STAMBP: variants seen among roughly 807,000 people sequenced by gnomAD.
STAMBP encodes STAM-binding protein.
STAMBP carries 31 observed loss-of-function variants against 50.7 expected under a neutral mutation model. That is an observed-to-expected ratio of 0.61 (90% CI 0.46 to 0.83). STAMBP has a LOEUF of 0.83. Among genes scored for constraint, STAMBP ranks in the 40% least tolerant of loss-of-function variants. STAMBP has a pLI of 0.00. For synonymous variants in STAMBP, 211 were observed against 192.4 expected (o/e 1.10, Z -0.80); for missense variants, 472 against 518.9 (o/e 0.91, Z 0.88).
At chr2:73,835,879 A>G (rs1400536242) in intron 2 of STAMBP, among the ~76,000 whole-genome samples, 1 of 152,132 alleles carries the variant, frequency 6.6e-6, no homozygotes, top group African/African-American at 2.4e-5. Flanking sequence ...GGTTGAATGT[A>G]CCAGTCTGAA....
chr2:73,854,164 C>G (rs1677240969), intron 7 of STAMBP, among the ~76,000 whole-genome samples: 1 of 152,152 alleles, frequency 6.6e-6, no homozygotes, highest in African/African-American at 2.4e-5. Context: ...TCCATTCCTC[C>G]AAGACAAGAT....
downstream of STAMBP, among the ~76,000 whole-genome samples, chr2:73,869,014 T>A (rs141696168): frequency 3.5e-4 from 53 of 152,360 alleles, no homozygotes; most frequent in African/African-American, 1.3e-3. Context: ...ACTACTATTA[T>A]TGAACAGTGT....
At position 73,852,844 on chromosome 2, in the gene STAMBP, ATTGTGTGT is replaced by A. The variant is rs1196484599; in HGVS notation, c.1005+2332_1005+2339del. Reference sequence around the variant, plus strand: ...AGGTACCCGCCACTATGCCTGGCTAATTGTGTGTGTGTGTGTGTGTGTGTGTGTGTGTG... The same window carrying A: ...AGGTACCCGCCACTATGCCTGGCTAAGTGTGTGTGTGTGTGTGTGTGTGTG... On this transcript the variant is annotated intron_variant, in intron 7 of 9. Coordinates refer to ENST00000394070, the MANE Select transcript of STAMBP (RefSeq NM_213622.4). Among the ~76,000 whole-genome samples the A allele has an allele frequency of 6.4e-5, 4 of 62,706 alleles. No individual in the cohort carries two copies. The East Asian group carries it at 2.0e-3, about 32-fold the overall frequency. 41.1% of individuals were successfully genotyped at this position (62,706 alleles called of 152,430 possible). A position where few individuals can be genotyped will look rare whatever the true frequency, so the allele number is the denominator to read the frequency against.
At chr2:73,851,742 C>T (rs530991784) in intron 7 of STAMBP, among the ~76,000 whole-genome samples, 10 of 151,818 alleles carry the variant, frequency 6.6e-5, no homozygotes, top group African/African-American at 1.5e-4. Context: ...CGGATTCAAG[C>T]GATTCTCCTA....
At chr2:73,848,326 A>AT (rs1421766391) in intron 5 of STAMBP, among the ~76,000 whole-genome samples, 2 of 152,004 alleles carry the variant, frequency 1.3e-5, no homozygotes, top group Non-Finnish European at 2.9e-5. Flanking sequence ...ACTACACTGT[A>AT]TTTTTTATTT....
chr2:73,847,580 C>G lies in STAMBP; in HGVS notation c.569C>G (p.Pro190Arg), dbSNP rs1185050949. 1 of 1,614,146 alleles carries G rather than the reference C, an allele frequency of 6.2e-7. No homozygotes were observed. The highest frequency in any genetic ancestry group is 8.5e-7 in the Non-Finnish European group (1 of 1,180,030). Reference sequence around the variant, plus strand: ...GTACAGGAGTTTGGGAAGGTAGACCCTGGCCTAGGTGGCCCGCTAGTGCCT... The same window carrying G: ...GTACAGGAGTTTGGGAAGGTAGACCGTGGCCTAGGTGGCCCGCTAGTGCCT... ...KIVQEFGKVD[P>R]GLGGPLVPDL... Residue 190 changes from proline (P) to arginine (R), a missense_variant, in exon 5 of 10, where the codon CCT (proline) becomes CGT (arginine). Physicochemically the swap from Pro to Arg is moderately radical, Grantham distance 103. Coordinates refer to ENST00000394070, the MANE Select transcript of STAMBP (RefSeq NM_213622.4).
At chr2:73,845,711 A>G (rs1164368967) in intron 4 of STAMBP, among the ~76,000 whole-genome samples, 1 of 150,078 alleles carries the variant, frequency 6.7e-6, no homozygotes, top group Non-Finnish European at 1.5e-5. Context: ...AGCTCACTGC[A>G]ACCTCTGCCT....
At chr2:73,838,390 G>A (rs1018174813) in intron 2 of STAMBP, among the ~76,000 whole-genome samples, 1 of 152,214 alleles carries the variant, frequency 6.6e-6, no homozygotes. Flanking sequence ...CAACTCTTTG[G>A]AGAAGTTTAG....
At chr2:73,835,779 G>A (rs535461573) in intron 2 of STAMBP, among the ~76,000 whole-genome samples, 1 of 152,294 alleles carries the variant, frequency 6.6e-6, no homozygotes, top group South Asian at 2.1e-4. Flanking sequence ...CTGGGTAGCG[G>A]GGGAATTTAA....
intron 8 of STAMBP, 78 bp downstream of exon 8, chr2:73,859,444 C>A: frequency 9.0e-7 from 1 of 1,105,908 alleles, no homozygotes; most frequent in Non-Finnish European, 1.4e-6. Flanking sequence ...GGTCTCTATT[C>A]TTGTGGACTT....
At chr2:73,843,892 A>G (rs1675745093) in intron 2 of STAMBP, among the ~76,000 whole-genome samples, 1 of 152,208 alleles carries the variant, frequency 6.6e-6, no homozygotes, top group Non-Finnish European at 1.5e-5. Flanking sequence ...GTTTCTGTGT[A>G]TTACAACTTA....
chr2:73,860,833 C>T (rs775377144), intron 9 of STAMBP, among the ~76,000 whole-genome samples: 5 of 152,100 alleles, frequency 3.3e-5, no homozygotes, highest in Admixed American at 6.6e-5. Context: ...GACTAAGAAC[C>T]TTGACACTTA....
rs775490288 is a variant in STAMBP, at chr2:73,865,268, G to A, written c.*3009G>A. 6.6e-6 allele frequency: 1 copy of A among 152,218 alleles called. No homozygotes were observed. The highest frequency in any genetic ancestry group is 1.5e-5 in the Non-Finnish European group (1 of 68,058). 9.4% of individuals were successfully genotyped at this position (152,218 alleles called of 1,614,324 possible). A position where few individuals can be genotyped will look rare whatever the true frequency, so the allele number is the denominator to read the frequency against. ...CCTGCAATTTTGATATGTTTCCAGTGGATTTTGAGAACACAGTTTTAGGAC... is the reference window on the plus strand; with the variant it reads ...CCTGCAATTTTGATATGTTTCCAGTAGATTTTGAGAACACAGTTTTAGGAC... On this transcript the variant is annotated 3_prime_UTR_variant, in exon 10 of 10. Transcript: ENST00000394070.
intron 2 of STAMBP, among the ~76,000 whole-genome samples, chr2:73,836,524 G>A (rs558492980): frequency 2.0e-5 from 3 of 152,258 alleles, no homozygotes; most frequent in Non-Finnish European, 4.4e-5. Context: ...GTGGAGGAGG[G>A]AGCTGTGGGA....
At chr2:73,855,016 G>C (rs1388780598) in intron 7 of STAMBP, among the ~76,000 whole-genome samples, 1 of 152,098 alleles carries the variant, frequency 6.6e-6, no homozygotes, top group African/African-American at 2.4e-5. Flanking sequence ...ACGAAAAGCA[G>C]ACCGAAAGAT....
chr2:73,837,059 G>GT (rs1029379391), intron 2 of STAMBP, among the ~76,000 whole-genome samples: 34 of 152,238 alleles, frequency 2.2e-4, no homozygotes, highest in African/African-American at 7.5e-4. Flanking sequence ...AACTTTTCTT[G>GT]TTTTTTCTAA....
In STAMBP at chr2:73,847,663, C is replaced by G. The variant is rs774809484; in HGVS notation, c.652C>G (p.Pro218Ala). 2.5e-6 allele frequency: 4 copies of G among 1,614,210 alleles called. No homozygotes were observed. The highest frequency in any genetic ancestry group is 3.4e-6 in the Non-Finnish European group (4 of 1,180,026). ...CACCTTAACAGTCTCATCCATACAGCCTTCAGACTGTCACACAACTGTAAG... is the reference window on the plus strand; with the variant it reads ...CACCTTAACAGTCTCATCCATACAGGCTTCAGACTGTCACACAACTGTAAG... ...FPTLTVSSIQ[P>A]SDCHTTVRPA... The change falls in exon 5 of 10, where the codon CCT becomes GCT. Residue 218 changes from proline to alanine, a missense_variant. Physicochemically the swap from Pro to Ala is conservative, Grantham distance 27. Coordinates refer to ENST00000394070, the MANE Select transcript of STAMBP (RefSeq NM_213622.4).
At chr2:73,835,747 G>A (rs1285727223) in intron 2 of STAMBP, among the ~76,000 whole-genome samples, 1 of 152,162 alleles carries the variant, frequency 6.6e-6, no homozygotes, top group Non-Finnish European at 1.5e-5. Flanking sequence ...GTATTGAGAT[G>A]GGAAAAGCCC....
In STAMBP at chr2:73,834,236, AATATATATATATATATATATAT is replaced by A. The variant is rs148699255; in HGVS notation, c.203+3207_203+3228del. On this transcript the variant is annotated intron_variant, in intron 2 of 9. Coordinates refer to ENST00000394070, the MANE Select transcript of STAMBP (RefSeq NM_213622.4). ...AAAAAAAAAAAAAAAAAAAAAAAAA[AATATATATATATATATATATAT>A]ATATATATATATATATATATATATA... is the stretch of plus-strand genomic sequence containing the variant. Among the ~76,000 whole-genome samples, 98 of 36,386 alleles carry A rather than the reference AATATATATATATATATATATAT, an allele frequency of 2.7e-3. 3 individuals are homozygous for A. Among genetic ancestry groups the A allele is most frequent in the East Asian group, 4.5e-3 (5 of 1,110 alleles). The allele number at this position is 36,386 out of a possible 152,430, so 23.9% of individuals were successfully genotyped here.
Sources: gnomAD v4.1 joint callset for allele counts (sites outside exome capture counted in the v4.1 genomes callset) on GRCh38, gnomAD v4.1.1 for gene constraint, MANE v1.5 for transcripts, NCBI Gene and HGNC (gene_info 2026-07-23, HGNC 2026-07-21) for gene names.